The following FASTKD2 variants were observed in gnomAD, a reference collection of about 807,000 sequenced individuals.
FASTKD2 encodes the protein FAST kinase domain-containing protein 2, mitochondrial.
FASTKD2 carries 51 observed loss-of-function variants against 63.6 expected under a neutral mutation model. That is an observed-to-expected ratio of 0.80 (90% CI 0.64 to 1.01). The LOEUF is 1.01. Ranked by LOEUF, FASTKD2 falls within the 50% of genes least tolerant of loss-of-function variation. The pLI, the probability that FASTKD2 is intolerant of heterozygous loss-of-function variation, is 0.00. For synonymous variants in FASTKD2, 284 were observed against 293.4 expected (o/e 0.97, Z 0.33); for missense variants, 786 against 831.1 (o/e 0.95, Z 0.67).
At position 206,772,029 on chromosome 2, in the gene FASTKD2, TTTTC is replaced by T. The variant is rs1689697053; in HGVS notation, c.1114+17_1114+20del. On this transcript the variant is annotated intron_variant, in intron 5 of 11. Transcript: ENST00000402774. ...TAAGGTGGTCCTAGGTAAGAGGAATTTTTCTTTCATCATTTGCAATACCTGAGCT... is the reference window on the plus strand; with the variant it reads ...TAAGGTGGTCCTAGGTAAGAGGAATTTTTCATCATTTGCAATACCTGAGCT... 1 of 1,613,718 alleles carries T rather than the reference TTTTC, an allele frequency of 6.2e-7. No individual in the cohort carries two copies. Among genetic ancestry groups the T allele is most frequent in the Non-Finnish European group, 8.5e-7 (1 of 1,179,646 alleles).
At chr2:206,775,076 G>A (rs886100555) in intron 7 of FASTKD2, among the ~76,000 whole-genome samples, 2 of 151,954 alleles carry the variant, frequency 1.3e-5, no homozygotes, top group South Asian at 4.1e-4. Flanking sequence ...CATGTGATGA[G>A]ATTTCCTTCT....
chr2:206,786,524 A>G (rs1480385771), intron 7 of FASTKD2: 3 of 550,472 alleles, frequency 5.4e-6, no homozygotes, highest in African/African-American at 3.8e-5. Context: ...TAAATGAGTT[A>G]AAGTCTATAA....
chr2:206,766,286 CAG>C (rs1282438348), intron 1 of FASTKD2, among the ~76,000 whole-genome samples: 3 of 89,030 alleles, frequency 3.4e-5, no homozygotes, highest in Non-Finnish European at 7.0e-5. Flanking sequence ...AAAAAAAAAA[CAG>C]AGAAGAGAAA....
At chr2:206,774,935 A>G (rs1053552392) in intron 7 of FASTKD2, among the ~76,000 whole-genome samples, 1 of 151,866 alleles carries the variant, frequency 6.6e-6, no homozygotes, top group South Asian at 2.1e-4. Context: ...CTGACAATCA[A>G]CATTGTAATC....
rs1039784021 is a variant in FASTKD2, at chr2:206,770,178, C to T, written c.865C>T (p.Leu289=). 1 of 1,602,752 alleles carries T rather than the reference C, an allele frequency of 6.2e-7. No homozygotes were observed. The highest frequency in any genetic ancestry group is 8.5e-7 in the Non-Finnish European group (1 of 1,169,632). Residue 289 remains leucine, a synonymous_variant, in exon 3 of 12, where the codon CTA becomes TTA. Transcript: ENST00000402774. ...AMEPCKNVHV[L]RTGFRILVDQ... ...GGAACCATGCAAGAATGTTCATGTT[C>T]TACGAACGGGATTCAGGTGAGAACT...
At position 206,794,295 on chromosome 2, in the gene FASTKD2, A is replaced by G. The variant is rs1440171225; in HGVS notation, c.*2493A>G. Among the ~76,000 whole-genome samples the G allele has an allele frequency of 6.6e-6, 1 of 152,242 alleles. No individual in the cohort carries two copies. The highest frequency in any genetic ancestry group is 1.9e-4 in the East Asian group (1 of 5,202). ...AATGCTCATTTTGTGTGAGATATCCAAATATTTTTTTCAGAATCCCTAATG... is the reference window on the plus strand; with the variant it reads ...AATGCTCATTTTGTGTGAGATATCCGAATATTTTTTTCAGAATCCCTAATG... On this transcript the variant is annotated 3_prime_UTR_variant, in exon 12 of 12. Coordinates refer to ENST00000402774, the MANE Select transcript of FASTKD2 (RefSeq NM_001136193.2).
Position 206,767,117 on chromosome 2 carries a change from G to A in FASTKD2, c.424G>A (p.Glu142Lys), listed in dbSNP as rs375331011. 78 of 1,613,906 alleles carry A rather than the reference G, an allele frequency of 4.8e-5. No individual in the cohort carries two copies. Among genetic ancestry groups the A allele is most frequent in the Non-Finnish European group, 6.1e-5 (72 of 1,179,912 alleles). Residue 142 changes from glutamate to lysine, a missense_variant, in exon 2 of 12, where the codon GAA becomes AAA. Physicochemically the swap from Glu to Lys is moderately conservative, Grantham distance 56. Coordinates refer to ENST00000402774, the MANE Select transcript of FASTKD2 (RefSeq NM_001136193.2). ...AAACCTTAATCATGAAGTCTCCAAT[G>A]AAGATGTTCTTACCAAGGAAACAAA... ...KVNLNHEVSN[E>K]DVLTKETKPN... is the part of the protein sequence containing the mutation.
At chr2:206,790,258 A>C (rs1191546343) in intron 10 of FASTKD2, 1 of 319,994 alleles carries the variant, frequency 3.1e-6, no homozygotes, top group Non-Finnish European at 6.0e-6. Flanking sequence ...TCAGATCAGA[A>C]ATCAGCACTA....
chr2:206,786,172 C>A (rs1690133030), intron 7 of FASTKD2, among the ~76,000 whole-genome samples: 2 of 152,200 alleles, frequency 1.3e-5, no homozygotes, highest in South Asian at 4.1e-4. Context: ...AGCGACTGCC[C>A]CTGATTTTGA....
chr2:206,788,781 G>GA, intron 9 of FASTKD2, 38 bp from the exon 10 acceptor site: 1 of 1,002,258 alleles, frequency 1.0e-6, no homozygotes, highest in Non-Finnish European at 1.6e-6. Flanking sequence ...TCACTTGGAG[G>GA]AATGTTTGAA....
rs772567572 is a variant in FASTKD2, at chr2:206,766,814, A to G, written c.121A>G (p.Met41Val). ...TACATTAGTTTCAACAAGCAGAACT[A>G]TGAGGCTATGTTGTTTGGGACTTTG... Reference protein sequence around the residue: ...FSTLVSTSRTMRLCCLGLCKP... With the variant: ...FSTLVSTSRTVRLCCLGLCKP... Residue 41 changes from methionine (M) to valine (V), a missense_variant, in exon 2 of 12, where the codon ATG (methionine) becomes GTG (valine). By Grantham distance (21) the Met-to-Val change is conservative (BLOSUM62 1). Coordinates refer to ENST00000402774, the MANE Select transcript of FASTKD2 (RefSeq NM_001136193.2). The G allele has an allele frequency of 1.9e-6, 3 of 1,612,824 alleles. No homozygotes were observed. The highest frequency in any genetic ancestry group is 1.7e-5 in the Admixed American group (1 of 59,822).
intron 3 of FASTKD2, 100 bp from the exon 4 acceptor site, chr2:206,771,082 A>G (rs1395515663): frequency 1.5e-5 from 11 of 732,510 alleles, no homozygotes; most frequent in Non-Finnish European, 2.4e-5. Flanking sequence ...GGGCTTCATA[A>G]TCCTTGCCTG....
intron 2 of FASTKD2, 120 bp from the exon 3 acceptor site, chr2:206,769,971 G>C: frequency 2.8e-6 from 2 of 725,232 alleles, no homozygotes; most frequent in East Asian, 5.3e-5. Context: ...CTGACTGTAG[G>C]AATTGTTGGT....
intron 11 of FASTKD2, chr2:206,790,969 A>G: frequency 2.8e-6 from 1 of 357,342 alleles, no homozygotes; most frequent in East Asian, 6.3e-5. Context: ...ATATTTTCAT[A>G]TTTAAGATAC....
At position 206,795,332 on chromosome 2, in the gene FASTKD2, C is replaced by A. The variant is rs1690417972; in HGVS notation, c.*3530C>A. Among the ~76,000 whole-genome samples, 1 of 152,192 alleles carries A rather than the reference C, an allele frequency of 6.6e-6. No homozygotes were observed. The highest frequency in any genetic ancestry group is 1.5e-5 in the Non-Finnish European group (1 of 68,036). On this transcript the variant is annotated 3_prime_UTR_variant, in exon 12 of 12. Coordinates refer to ENST00000402774, the MANE Select transcript of FASTKD2 (RefSeq NM_001136193.2). ...CACTGCAAGCTCCGCCTCCTGGGTT[C>A]AAGCCATTCTCCTGCCTCAGCCTCC...
rs1430626218 is a variant in FASTKD2 at position 206,774,417 on chromosome 2, T to C, written c.1427+20T>C. 1 of 1,516,136 alleles carries C rather than the reference T, an allele frequency of 6.6e-7. No individual in the cohort carries two copies. Among genetic ancestry groups the C allele is most frequent in the Non-Finnish European group, 9.1e-7 (1 of 1,097,348 alleles). 93.9% of individuals were successfully genotyped at this position (1,516,136 alleles called of 1,614,324 possible). ...CAAAGAGTATGTACTTGTTTTTTTT[T>C]ACCTTTTTTATTGCCATATAACTTA... On this transcript the variant is annotated intron_variant, in intron 7 of 11. Transcript: ENST00000402774.
At position 206,771,325 on chromosome 2, in the gene FASTKD2, T is replaced by TGAAAAAATCTTTCTTA. The variant is rs774742926; in HGVS notation, c.990+36_990+51dup. 87 of 1,269,788 alleles carry TGAAAAAATCTTTCTTA rather than the reference T, an allele frequency of 6.9e-5. No individual in the cohort carries two copies. In the African/African-American group the frequency reaches 1.2e-3, roughly 17 times the overall value. The allele number at this position is 1,269,788 out of a possible 1,614,324, so 78.7% of individuals were successfully genotyped here. ...TGAATTTTCTCTAGTGGATGAGATT[T>TGAAAAAATCTTTCTTA]GAAAAAATCTTTCTTATAACCTGCT... On this transcript the variant is annotated intron_variant, in intron 4 of 11. Coordinates refer to ENST00000402774, the MANE Select transcript of FASTKD2 (RefSeq NM_001136193.2).
intron 2 of FASTKD2, among the ~76,000 whole-genome samples, chr2:206,768,537 C>T (rs886371923): frequency 1.3e-5 from 2 of 151,968 alleles, no homozygotes; most frequent in African/African-American, 4.8e-5. Flanking sequence ...TCCATCTCTA[C>T]AAAAAATACA....
Position 206,779,545 on chromosome 2 carries a change from C to T in FASTKD2, c.1427+5148C>T, listed in dbSNP as rs561868450. Among the ~76,000 whole-genome samples the T allele has an allele frequency of 1.2e-4, 18 of 152,194 alleles. No individual in the cohort carries two copies. In the South Asian group the frequency reaches 3.7e-3, roughly 32 times the overall value. ...TAACAGAAGAGAGCAAGAGAAAGGG[C>T]GAGGAAGTGCTACACTTTAAGCCAT... On this transcript the variant is annotated intron_variant, in intron 7 of 11. Coordinates refer to ENST00000402774, the MANE Select transcript of FASTKD2 (RefSeq NM_001136193.2).
Sources: gnomAD v4.1 joint callset for allele counts (sites outside exome capture counted in the v4.1 genomes callset) on GRCh38, gnomAD v4.1.1 for gene constraint, MANE v1.5 for transcripts, NCBI Gene and HGNC (gene_info 2026-07-23, HGNC 2026-07-21) for gene names.